Variants in SPATS2L observed in about 807,000 individuals in gnomAD.
The protein encoded by SPATS2L is spermatogenesis associated serine rich 2 like.
In SPATS2L, 30 loss-of-function variants were observed where a neutral mutation model predicts 59.6. That is an observed-to-expected ratio of 0.50 (90% CI 0.38 to 0.68). The LOEUF (loss-of-function observed/expected upper bound fraction) is 0.68, where lower values mean the gene tolerates loss of function less well. Ranked by LOEUF, SPATS2L falls within the 30% of genes least tolerant of loss-of-function variation. SPATS2L has a pLI of 0.00. For synonymous variants in SPATS2L, 252 were observed against 263.5 expected (o/e 0.96, Z 0.42); for missense variants, 615 against 700.0 (o/e 0.88, Z 1.37).
intron 2 of SPATS2L, among the ~76,000 whole-genome samples, chr2:200,364,908 C>T (rs2081221865): frequency 6.6e-6 from 1 of 152,182 alleles, no homozygotes; most frequent in African/African-American, 2.4e-5. Flanking sequence ...GAAGAATAAA[C>T]TCCGTGTATT....
intron 3 of SPATS2L, chr2:200,393,101 G>A: frequency 2.4e-6 from 1 of 418,390 alleles, no homozygotes; most frequent in East Asian, 7.1e-5. Context: ...TCCCCAATTT[G>A]AGAATCTGGG....
At chr2:200,424,050 GT>G (rs757984016) in intron 6 of SPATS2L, among the ~76,000 whole-genome samples, 4 of 152,218 alleles carry the variant, frequency 2.6e-5, no homozygotes, top group Non-Finnish European at 5.9e-5. Flanking sequence ...TCGTTTAGAA[GT>G]TTAGGAGTAT....
chr2:200,329,585 C>T, intron 2 of SPATS2L, 105 bp downstream of exon 2: 1 of 977,732 alleles, frequency 1.0e-6, no homozygotes, highest in East Asian at 2.6e-5. Context: ...CAGCCTTTGG[C>T]CGCCTCTGCT....
At chr2:200,376,940 A>G (rs1248291657) in intron 2 of SPATS2L, among the ~76,000 whole-genome samples, 2 of 152,184 alleles carry the variant, frequency 1.3e-5, no homozygotes, top group Non-Finnish European at 2.9e-5. Flanking sequence ...TCAGGTTTCA[A>G]GGGCCGGCTC....
intron 2 of SPATS2L, chr2:200,372,190 A>G: frequency 1.0e-6 from 1 of 985,406 alleles, no homozygotes; most frequent in African/African-American, 1.7e-5. Flanking sequence ...TGCAAAAACA[A>G]CATTGTTTCT....
intron 8 of SPATS2L, among the ~76,000 whole-genome samples, chr2:200,450,709 A>C (rs919718544): frequency 6.6e-6 from 1 of 152,184 alleles, no homozygotes; most frequent in Admixed American, 6.5e-5. Flanking sequence ...GTACAAATGT[A>C]GGTGGTCTGC....
At chr2:200,332,176 G>C (rs2079966358) in intron 2 of SPATS2L, among the ~76,000 whole-genome samples, 1 of 151,566 alleles carries the variant, frequency 6.6e-6, no homozygotes, top group African/African-American at 2.4e-5. Flanking sequence ...GGGAGAGGGA[G>C]AGGGAGAGAC....
rs571695545 is a variant in SPATS2L, at chr2:200,432,554, A to G, written c.446-6568A>G. Reference sequence around the variant, plus strand: ...AAACCCTTTAAAGGAAAAGAAGAAGATCTAGAGTTTCTCAATGCATCATCC... The same window carrying G: ...AAACCCTTTAAAGGAAAAGAAGAAGGTCTAGAGTTTCTCAATGCATCATCC... On this transcript the variant is annotated intron_variant, in intron 6 of 12. Transcript: ENST00000409140. Among the ~76,000 whole-genome samples, 5 of 152,300 alleles carry G rather than the reference A, an allele frequency of 3.3e-5. No homozygotes were observed. In the South Asian group the frequency reaches 8.3e-4, roughly 25 times the overall value.
In SPATS2L at chr2:200,453,927, C is replaced by T. The variant is rs11899794; in HGVS notation, c.789-5842C>T. 3.2e-3 allele frequency among the ~76,000 whole-genome samples: 490 copies of T among 152,286 alleles called. 1 individual carries two copies. The highest frequency in any genetic ancestry group is 0.011 in the African/African-American group (468 of 41,548). ...AAATATTCATTAGCATTCATAGCAT[C>T]CTTTCTCTCCAGCAGTTCCCACCTT... On this transcript the variant is annotated intron_variant, in intron 8 of 12. Coordinates refer to ENST00000409140, the MANE Select transcript of SPATS2L (RefSeq NM_001100423.2).
At chr2:200,354,663 G>A (rs949475924) in intron 2 of SPATS2L, among the ~76,000 whole-genome samples, 1 of 151,782 alleles carries the variant, frequency 6.6e-6, no homozygotes, top group South Asian at 2.1e-4. Flanking sequence ...CTTCATTCTC[G>A]TGCCTTTCAA....
intron 2 of SPATS2L, among the ~76,000 whole-genome samples, chr2:200,379,699 G>A (rs190091471): frequency 6.6e-6 from 1 of 152,126 alleles, no homozygotes; most frequent in African/African-American, 2.4e-5. Flanking sequence ...TGGGGGGGAT[G>A]GGGGAGGAAA....
chr2:200,475,217 T>A (rs932999219), intron 12 of SPATS2L, among the ~76,000 whole-genome samples: 1 of 152,220 alleles, frequency 6.6e-6, no homozygotes, highest in African/African-American at 2.4e-5. Context: ...TTCAGACATA[T>A]GGTGTGTGAA....
At chr2:200,420,152 C>T (rs950197487) in intron 6 of SPATS2L, among the ~76,000 whole-genome samples, 8 of 152,078 alleles carry the variant, frequency 5.3e-5, no homozygotes, top group Non-Finnish European at 1.2e-4. Context: ...ACTTCCTAAT[C>T]CACTGTTTGA....
intron 10 of SPATS2L, among the ~76,000 whole-genome samples, chr2:200,469,025 C>T (rs1012472578): frequency 6.6e-6 from 1 of 152,216 alleles, no homozygotes; most frequent in East Asian, 1.9e-4. Context: ...GGATAAGTTA[C>T]ACATTCTCTT....
chr2:200,347,058 G>A (rs1290530640), intron 2 of SPATS2L, among the ~76,000 whole-genome samples: 1 of 152,152 alleles, frequency 6.6e-6, no homozygotes, highest in Non-Finnish European at 1.5e-5. Flanking sequence ...AGACTCATGT[G>A]TTTTAACTCT....
chr2:200,389,448 A>G (rs4674015), intron 3 of SPATS2L, 165 bp downstream of exon 3: 364,465 of 533,408 alleles, frequency 0.68, 126,559 homozygotes, highest in South Asian at 0.8. Context: ...CATAAGTAAC[A>G]TTTACTGAAA....
chr2:200,428,076 A>C (rs934477500), intron 6 of SPATS2L, among the ~76,000 whole-genome samples: 2 of 151,910 alleles, frequency 1.3e-5, no homozygotes, highest in Admixed American at 6.6e-5. Flanking sequence ...TCAAAAACAA[A>C]AAAAAAAAGG....
intron 2 of SPATS2L, among the ~76,000 whole-genome samples, chr2:200,372,670 A>G (rs1461993255): frequency 1.3e-5 from 2 of 152,184 alleles, no homozygotes; most frequent in Admixed American, 6.5e-5. Context: ...CTTAATTTGT[A>G]TTGAACCAAA....
rs879395982 is a variant in SPATS2L at position 200,479,204 on chromosome 2, G to A, written c.*1173G>A. On this transcript the variant is annotated 3_prime_UTR_variant, in exon 13 of 13. Coordinates refer to ENST00000409140, the MANE Select transcript of SPATS2L (RefSeq NM_001100423.2). ...AGGCATGAGCCACCGTACCCGGCCAGCTCCCATCTCTTAATTATCTTAGCT... is the reference window on the plus strand; with the variant it reads ...AGGCATGAGCCACCGTACCCGGCCAACTCCCATCTCTTAATTATCTTAGCT... 2.0e-5 allele frequency: 4 copies of A among 195,848 alleles called. No homozygotes were observed. Among genetic ancestry groups the A allele is most frequent in the Admixed American group, 6.0e-5 (1 of 16,532 alleles). 12.1% of individuals were successfully genotyped at this position (195,848 alleles called of 1,614,324 possible). A position where few individuals can be genotyped will look rare whatever the true frequency, so the allele number is the denominator to read the frequency against.
Sources: allele counts gnomAD v4.1 joint callset (sites outside exome capture counted in the v4.1 genomes callset), GRCh38; gene constraint gnomAD v4.1.1; transcripts MANE v1.5; gene names NCBI Gene and HGNC (gene_info 2026-07-23, HGNC 2026-07-21).